The following RBFOX1 variants were observed in gnomAD, a reference collection of about 807,000 sequenced individuals.
The protein encoded by RBFOX1 is RNA binding protein fox-1 homolog 1.
Under a neutral mutation model 57.7 loss-of-function variants are expected in RBFOX1, and 8 were observed. That is an observed-to-expected ratio of 0.14 (90% CI 0.08 to 0.25). The LOEUF (loss-of-function observed/expected upper bound fraction) is 0.25. Ranked by LOEUF, RBFOX1 falls within the 10% of genes least tolerant of loss-of-function variation. The pLI is 1.00. For synonymous variants in RBFOX1, 326 were observed against 222.4 expected (o/e 1.47, Z -4.15); for missense variants, 611 against 548.5 (o/e 1.11, Z -1.14).
intron 3 of RBFOX1, among the ~76,000 whole-genome samples, chr16:6,897,880 T>C (rs2067349358): frequency 1.3e-5 from 2 of 152,170 alleles, no homozygotes; most frequent in Non-Finnish European, 2.9e-5. Context: ...CTTCATACCC[T>C]ATATCCCCAA....
intron 4 of RBFOX1, among the ~76,000 whole-genome samples, chr16:7,413,687 G>A (rs557580111): frequency 5.2e-4 from 79 of 152,120 alleles, no homozygotes; most frequent in African/African-American, 1.5e-3. Flanking sequence ...ATTCCTCAGC[G>A]GGTGTGGCAT....
At chr16:6,809,473 A>G (rs1485959304) in intron 3 of RBFOX1, among the ~76,000 whole-genome samples, 1 of 152,164 alleles carries the variant, frequency 6.6e-6, no homozygotes, top group Non-Finnish European at 1.5e-5. Context: ...ATACAAAAAT[A>G]TTATCTTCCT....
intron 3 of RBFOX1, among the ~76,000 whole-genome samples, chr16:6,823,094 T>C (rs2091582653): frequency 1.3e-5 from 2 of 152,254 alleles, no homozygotes; most frequent in African/African-American, 4.8e-5. Context: ...GATGGGAGAC[T>C]GAGCATCAGA....
chr16:5,833,169 A>T (rs1410053865), intron 3 of RBFOX1, among the ~76,000 whole-genome samples: 1 of 152,134 alleles, frequency 6.6e-6, no homozygotes, highest in Non-Finnish European at 1.5e-5. Context: ...ATCTCCTCCT[A>T]ATTTTCTAGT....
At chr16:7,158,385 C>T (rs748437665) in intron 4 of RBFOX1, among the ~76,000 whole-genome samples, 1 of 152,134 alleles carries the variant, frequency 6.6e-6, no homozygotes, top group African/African-American at 2.4e-5. Flanking sequence ...GTTATCACAA[C>T]CAGTGATTGA....
At chr16:6,963,898 C>T (rs1418163008) in intron 3 of RBFOX1, among the ~76,000 whole-genome samples, 1 of 152,106 alleles carries the variant, frequency 6.6e-6, no homozygotes, top group Non-Finnish European at 1.5e-5. Flanking sequence ...TGGGATTTCA[C>T]TGTGTTAGCC....
At chr16:7,199,898 A>G (rs1338629235) in intron 4 of RBFOX1, among the ~76,000 whole-genome samples, 8 of 147,878 alleles carry the variant, frequency 5.4e-5, no homozygotes, top group Non-Finnish European at 1.2e-4. Context: ...CTATCTCAAA[A>G]AAACAAAACA....
intron 3 of RBFOX1, among the ~76,000 whole-genome samples, chr16:5,766,336 CA>C (rs2053777271): frequency 6.6e-6 from 1 of 152,102 alleles, no homozygotes; most frequent in South Asian, 2.1e-4. Context: ...CCTGTAATCA[CA>C]GCGCTTTGGG....
At chr16:5,678,012 G>C (rs1170673472) in intron 3 of RBFOX1, among the ~76,000 whole-genome samples, 1 of 152,220 alleles carries the variant, frequency 6.6e-6, no homozygotes, top group African/African-American at 2.4e-5. Context: ...ACATATTTCA[G>C]CTGCTCAGCA....
chr16:7,215,594 C>G (rs2091901756), intron 4 of RBFOX1, among the ~76,000 whole-genome samples: 1 of 152,084 alleles, frequency 6.6e-6, no homozygotes, highest in Admixed American at 6.5e-5. Context: ...CAGCCATGAC[C>G]ACATTCTAAA....
At position 6,856,131 on chromosome 16, in the gene RBFOX1, C is replaced by G. The variant is rs1257075707; in HGVS notation, c.-15-195926C>G. ...CCTTTCTTCCCTTTCCTTCCCTTCC[C>G]TTTACCTTCCCTTCCCTTTACCTTC... is the stretch of plus-strand genomic sequence containing the variant. On this transcript the variant is annotated intron_variant, in intron 3 of 15. Coordinates refer to ENST00000550418, the MANE Select transcript of RBFOX1 (RefSeq NM_018723.4). Among the ~76,000 whole-genome samples the G allele has an allele frequency of 9.9e-5, 15 of 151,920 alleles. No individual in the cohort carries two copies. The South Asian group carries it at 1.2e-3, about 13-fold the overall frequency.
At position 6,530,415 on chromosome 16, in the gene RBFOX1, C is replaced by T. The variant is rs537578834; in HGVS notation, c.-63-124188C>T. Reference sequence around the variant, plus strand: ...GAGGCTCACCTGCAAGATGGGGAGACAGTGGGCTGTAGCAACATTGTTGCT... The same window carrying T: ...GAGGCTCACCTGCAAGATGGGGAGATAGTGGGCTGTAGCAACATTGTTGCT... On this transcript the variant is annotated intron_variant, in intron 2 of 15. Transcript: ENST00000550418. Among the ~76,000 whole-genome samples, 11 of 152,264 alleles carry T rather than the reference C, an allele frequency of 7.2e-5. No homozygotes were observed. In the East Asian group the frequency reaches 1.7e-3, roughly 24 times the overall value.
At chr16:5,411,748 TAGTC>T (rs2067027327) in intron 1 of RBFOX1, among the ~76,000 whole-genome samples, 4 of 150,912 alleles carry the variant, frequency 2.7e-5, no homozygotes, top group Non-Finnish European at 3.0e-5. Flanking sequence ...AAAAAAAAAT[TAGTC>T]AGGCATGGTG....
intron 3 of RBFOX1, among the ~76,000 whole-genome samples, chr16:5,830,305 A>G (rs1397130813): frequency 2.0e-5 from 3 of 152,058 alleles, no homozygotes; most frequent in African/African-American, 7.2e-5. Context: ...TTAGCCCAGC[A>G]TAGGCAATCC....
At chr16:5,258,539 C>G (rs539338034) in intron 1 of RBFOX1, among the ~76,000 whole-genome samples, 1 of 152,094 alleles carries the variant, frequency 6.6e-6, no homozygotes, top group African/African-American at 2.4e-5. Flanking sequence ...TTTCTTTGAG[C>G]AAAGATAATA....
chr16:6,310,773 A>G (rs12102448), intron 1 of RBFOX1, among the ~76,000 whole-genome samples: 92,062 of 151,844 alleles, frequency 0.61, 28,449 homozygotes, highest in East Asian at 0.95. Flanking sequence ...AGATGTCTAC[A>G]AATGAAGAGT....
chr16:5,721,368 C>T (rs901465425), intron 3 of RBFOX1, among the ~76,000 whole-genome samples: 6 of 151,916 alleles, frequency 3.9e-5, no homozygotes, highest in Non-Finnish European at 7.4e-5. Context: ...TATGTGGGTG[C>T]GGATTAGTTG....
chr16:5,987,454 C>G (rs188485654), intron 4 of RBFOX1, among the ~76,000 whole-genome samples: 1 of 152,134 alleles, frequency 6.6e-6, no homozygotes, highest in Non-Finnish European at 1.5e-5. Flanking sequence ...TTGCCTAGCC[C>G]TAGATCCATC....
intron 2 of RBFOX1, among the ~76,000 whole-genome samples, chr16:6,318,216 A>T (rs1002115578): frequency 6.6e-6 from 1 of 152,214 alleles, no homozygotes; most frequent in Non-Finnish European, 1.5e-5. Context: ...TAACGCTTGT[A>T]TCTCACAGGA....
Sources: gnomAD v4.1 joint callset for allele counts (sites outside exome capture counted in the v4.1 genomes callset) on GRCh38, gnomAD v4.1.1 for gene constraint, MANE v1.5 for transcripts, NCBI Gene and HGNC (gene_info 2026-07-23, HGNC 2026-07-21) for gene names.